DMD: variants seen among roughly 807,000 people sequenced by gnomAD.
DMD encodes the protein mutant dystrophin.
Under a neutral mutation model 330.1 loss-of-function variants are expected in DMD, and 63 were observed. That is an observed-to-expected ratio of 0.19 (90% confidence interval 0.16 to 0.24). The LOEUF is 0.24. DMD is among the 10% of genes least tolerant of loss of function. The pLI is 1.00. For synonymous variants in DMD, 1,223 were observed against 959.8 expected (o/e 1.27, Z -5.07); for missense variants, 3,344 against 2,684.1 (o/e 1.25, Z -5.43).
chrX:31,502,067 T>C, intron 56 of DMD, among the ~76,000 whole-genome samples: 1 of 111,143 alleles, frequency 9.0e-6, no homozygotes, highest in Non-Finnish European at 1.9e-5. Flanking sequence ...TGGATATCCA[T>C]ATGCAGAATG....
chrX:32,073,235 G>T (rs2096314848), intron 44 of DMD, among the ~76,000 whole-genome samples: 1 of 111,721 alleles, frequency 9.0e-6, no homozygotes, highest in African/African-American at 3.3e-5. Context: ...GCAAAATGCT[G>T]CAGGTTTTCA....
intron 9 of DMD, among the ~76,000 whole-genome samples, chrX:32,649,497 A>C (rs2059994895): frequency 9.7e-6 from 1 of 103,057 alleles, no homozygotes; most frequent in Admixed American, 1.1e-4. Context: ...CGGAGCTTGC[A>C]GTGAGCCGAG....
intron 44 of DMD, among the ~76,000 whole-genome samples, chrX:31,978,910 T>G (rs1281136297): frequency 8.9e-6 from 1 of 111,962 alleles, no homozygotes; most frequent in Non-Finnish European, 1.9e-5. Flanking sequence ...CCCCAAATAC[T>G]AACTCTATTG....
intron 19 of DMD, among the ~76,000 whole-genome samples, chrX:32,496,313 A>C (rs1419288755): frequency 8.9e-6 from 1 of 111,804 alleles, no homozygotes; most frequent in Non-Finnish European, 1.9e-5. Context: ...GCTGAACTTT[A>C]AGTGAGGGTT....
chrX:31,702,618 G>A (rs2083891717), intron 52 of DMD, among the ~76,000 whole-genome samples: 1 of 111,172 alleles, frequency 9.0e-6, no homozygotes, highest in Non-Finnish European at 1.9e-5. Context: ...GGTCTCTCTA[G>A]TTCAGCGGAA....
rs1051048684 is a variant in DMD at position 32,565,898 on chromosome X, G to T, written c.1813-17C>A. ...TTTTAAAACCTGTTAAAACAAGAAA[G>T]ATCACAGAATAAGCCTGGGTTGCAT... On this transcript the variant is annotated splice_polypyrimidine_tract_variant and intron_variant, in intron 15 of 78. Coordinates refer to ENST00000357033, the MANE Select transcript of DMD (RefSeq NM_004006.3). 6.7e-6 allele frequency: 8 copies of T among 1,196,059 alleles called. No homozygotes were observed. The highest frequency in any genetic ancestry group is 5.3e-5 in the African/African-American group (3 of 56,966).
chrX:31,187,124 ATAT>A (rs761093489), intron 67 of DMD, among the ~76,000 whole-genome samples: 1 of 112,903 alleles, frequency 8.9e-6, no homozygotes, highest in East Asian at 2.8e-4. Context: ...CAAACTGGAA[ATAT>A]TAATAGTGCC....
intron 9 of DMD, among the ~76,000 whole-genome samples, chrX:32,684,696 T>A (rs1262634747): frequency 2.7e-5 from 3 of 111,406 alleles, no homozygotes; most frequent in Non-Finnish European, 5.7e-5. Flanking sequence ...TATATTATAT[T>A]TTTTTATTAA....
At chrX:31,459,003 C>A (rs922887894) in intron 59 of DMD, among the ~76,000 whole-genome samples, 1 of 111,568 alleles carries the variant, frequency 9.0e-6, no homozygotes, top group Non-Finnish European at 1.9e-5. Context: ...TTATTGGATG[C>A]ACAAAAGTCA....
intron 4 of DMD, among the ~76,000 whole-genome samples, chrX:32,842,806 T>G (rs751321525): frequency 1.1e-5 from 1 of 95,229 alleles, no homozygotes; most frequent in East Asian, 3.1e-4. Flanking sequence ...ATGTACCAAA[T>G]TATTATTATT....
intron 55 of DMD, among the ~76,000 whole-genome samples, chrX:31,550,372 A>C (rs1221124466): frequency 2.7e-5 from 3 of 112,340 alleles, no homozygotes; most frequent in African/African-American, 9.7e-5. Context: ...TGTTTGGAAT[A>C]AAATAGTCAG....
intron 44 of DMD, among the ~76,000 whole-genome samples, chrX:32,120,866 T>C (rs2096631804): frequency 8.9e-6 from 1 of 112,285 alleles, no homozygotes; most frequent in Non-Finnish European, 1.9e-5. Context: ...CAATGTATTA[T>C]AATAGCAACC....
chrX:32,534,958 C>T (rs1419599352), intron 17 of DMD, among the ~76,000 whole-genome samples: 1 of 111,245 alleles, frequency 9.0e-6, no homozygotes, highest in Admixed American at 9.6e-5. Context: ...ACTAAGAATA[C>T]TCTCAGAAGA....
At chrX:32,011,255 G>A (rs753482134) in intron 44 of DMD, among the ~76,000 whole-genome samples, 1 of 111,837 alleles carries the variant, frequency 8.9e-6, no homozygotes, top group Admixed American at 9.5e-5. Flanking sequence ...TTATTCGTAG[G>A]ACAGCCACCT....
At chrX:31,685,745 G>A (rs947264745) in intron 52 of DMD, among the ~76,000 whole-genome samples, 30 of 112,134 alleles carry the variant, frequency 2.7e-4, no homozygotes, top group African/African-American at 8.7e-4. Context: ...TAGGTGCGCT[G>A]GCCAGAAGTG....
At chrX:31,927,227 G>T (rs1435057038) in intron 47 of DMD, among the ~76,000 whole-genome samples, 2 of 111,626 alleles carry the variant, frequency 1.8e-5, no homozygotes, top group African/African-American at 6.5e-5. Flanking sequence ...TATAATTTTG[G>T]CATAGGAAAC....
chrX:32,457,063 A>G (rs2098363219), intron 25 of DMD, among the ~76,000 whole-genome samples: 1 of 104,230 alleles, frequency 9.6e-6, no homozygotes, highest in East Asian at 3.0e-4. Context: ...AATAGGGGGA[A>G]AAAAAAAAGG....
chrX:33,191,797 A>G (rs2050665447), intron 1 of DMD, among the ~76,000 whole-genome samples: 1 of 111,890 alleles, frequency 8.9e-6, no homozygotes, highest in African/African-American at 3.2e-5. Flanking sequence ...ACCCATTGTA[A>G]TATGTTGCTC....
intron 55 of DMD, among the ~76,000 whole-genome samples, chrX:31,599,678 T>A (rs758222791): frequency 2.7e-4 from 30 of 112,289 alleles, no homozygotes; most frequent in Admixed American, 2.0e-3. Context: ...ATTTTAAAAA[T>A]TACAGAATCA....
Sources: allele counts gnomAD v4.1 joint callset (sites outside exome capture counted in the v4.1 genomes callset), GRCh38; gene constraint gnomAD v4.1.1; transcripts MANE v1.5; gene names NCBI Gene and HGNC (gene_info 2026-07-23, HGNC 2026-07-21).